Variants in TENM3 observed in about 807,000 individuals in gnomAD.
The protein encoded by TENM3 is teneurin-3.
A neutral mutation model predicts 255.1 loss-of-function variants in TENM3; 63 were observed. That is an observed-to-expected ratio of 0.25 (90% confidence interval 0.20 to 0.30). The LOEUF (loss-of-function observed/expected upper bound fraction) is 0.30. Ranked by LOEUF, TENM3 falls within the 10% of genes least tolerant of loss-of-function variation. The probability of loss-of-function intolerance (pLI) is 1.00; values close to 1 mark genes in which losing one functional copy is unlikely to be tolerated. For synonymous variants in TENM3, 1,306 were observed against 1,322.3 expected, an observed-to-expected ratio of 0.99 and a Z score of 0.27; for missense variants, 2,929 against 3,461.1, an observed-to-expected ratio of 0.85 and a Z score of 3.86.
chr4:182,714,297 T>A, intron 13 of TENM3, 64 bp downstream of exon 13: 1 of 697,644 alleles, frequency 1.4e-6, no homozygotes, highest in Non-Finnish European at 1.9e-6. Flanking sequence ...TGACAGTGAG[T>A]ACATAGATAT....
chr4:181,611,277 A>G, the TENM3 span, among the ~76,000 whole-genome samples: 2 of 152,236 alleles, frequency 1.3e-5, no homozygotes, highest in South Asian at 2.1e-4. Flanking sequence ...ACTGAAGCAC[A>G]AAAGATATCC....
chr4:182,623,472 T>A (rs1245383045), intron 4 of TENM3, among the ~76,000 whole-genome samples: 1 of 116,586 alleles, frequency 8.6e-6, no homozygotes, highest in African/African-American at 3.4e-5. Context: ...CTGGCTAATT[T>A]TTTGTATTTT....
the TENM3 span, among the ~76,000 whole-genome samples, chr4:181,787,226 G>A: frequency 6.6e-6 from 1 of 151,976 alleles, no homozygotes; most frequent in Non-Finnish European, 1.5e-5. Flanking sequence ...TCATAAGACT[G>A]ACAGAACAGA....
chr4:182,783,851 C>A (rs1482398058), intron 24 of TENM3, among the ~76,000 whole-genome samples: 8 of 151,990 alleles, frequency 5.3e-5, no homozygotes, highest in Non-Finnish European at 7.4e-5. Flanking sequence ...ATCGCATCGG[C>A]TCCTGAGGCT....
At chr4:182,189,752 G>A (rs558843141) in intron 1 of TENM3, among the ~76,000 whole-genome samples, 4 of 152,218 alleles carry the variant, frequency 2.6e-5, no homozygotes, top group East Asian at 1.9e-4. Flanking sequence ...TGTGTTGGGG[G>A]TGGTGGGGGC....
the TENM3 span, among the ~76,000 whole-genome samples, chr4:181,619,145 T>C: frequency 6.6e-6 from 1 of 152,100 alleles, no homozygotes; most frequent in Admixed American, 6.5e-5. Flanking sequence ...GGAGATACTG[T>C]CCCTCTGCTA....
At chr4:182,171,500 GT>G (rs1752103240) in intron 1 of TENM3, among the ~76,000 whole-genome samples, 2 of 152,090 alleles carry the variant, frequency 1.3e-5, no homozygotes, top group South Asian at 4.1e-4. Flanking sequence ...GTCTCACTCT[GT>G]TGCCCAGGCT....
chr4:181,888,577 T>C, the TENM3 span, among the ~76,000 whole-genome samples: 15 of 64,722 alleles, frequency 2.3e-4, no homozygotes, highest in East Asian at 9.9e-4. Flanking sequence ...TGTATATATA[T>C]ACATATATAT....
At chr4:182,209,748 G>A (rs980970086) in intron 1 of TENM3, among the ~76,000 whole-genome samples, 2 of 152,064 alleles carry the variant, frequency 1.3e-5, no homozygotes, top group Non-Finnish European at 1.5e-5. Flanking sequence ...GGAGTCTGGG[G>A]CTTTGAGAGG....
chr4:182,665,391 C>T (rs892855767), intron 6 of TENM3, among the ~76,000 whole-genome samples: 1 of 152,140 alleles, frequency 6.6e-6, no homozygotes, highest in Admixed American at 6.5e-5. Context: ...GTACCTAGTC[C>T]CCCAAGAGCT....
chr4:182,194,008 C>T (rs917720233), intron 1 of TENM3, among the ~76,000 whole-genome samples: 8 of 152,170 alleles, frequency 5.3e-5, no homozygotes, highest in Admixed American at 3.3e-4. Context: ...CGTTAAAAAG[C>T]TTTCACCAGA....
At chr4:182,780,754 C>T (rs1765103230) in intron 24 of TENM3, among the ~76,000 whole-genome samples, 1 of 151,944 alleles carries the variant, frequency 6.6e-6, no homozygotes, top group East Asian at 1.9e-4. Flanking sequence ...TGTAGTTCTC[C>T]TTGAAGAAGT....
intron 22 of TENM3, among the ~76,000 whole-genome samples, chr4:182,769,686 C>A (rs181616773): frequency 0.029 from 4,462 of 151,522 alleles, 178 homozygotes; most frequent in South Asian, 0.1. Context: ...CAGGAGGCTG[C>A]GGCAGGAGAA....
At chr4:182,620,485 C>T (rs992435637) in intron 4 of TENM3, among the ~76,000 whole-genome samples, 1 of 152,146 alleles carries the variant, frequency 6.6e-6, no homozygotes, top group Non-Finnish European at 1.5e-5. Flanking sequence ...ACCAAATATT[C>T]TCTGCTATAG....
chr4:182,628,956 T>C (rs1404000374), intron 5 of TENM3, 67 bp downstream of exon 5: 2 of 932,864 alleles, frequency 2.1e-6, no homozygotes, highest in East Asian at 5.3e-5. Context: ...ATTACTTGTA[T>C]TTATTCATTT....
intron 3 of TENM3, among the ~76,000 whole-genome samples, chr4:182,557,175 A>G (rs1055415728): frequency 1.1e-4 from 17 of 152,198 alleles, no homozygotes; most frequent in African/African-American, 3.6e-4. Context: ...TCTATTCAAC[A>G]TTGTATCTAA....
the TENM3 span, among the ~76,000 whole-genome samples, chr4:182,000,303 G>A: frequency 2.5e-4 from 38 of 152,148 alleles, no homozygotes; most frequent in South Asian, 2.1e-3. Context: ...CTGAAAATAA[G>A]CAATGGAAAA....
At chr4:182,665,321 G>A (rs1754578069) in intron 6 of TENM3, among the ~76,000 whole-genome samples, 1 of 152,168 alleles carries the variant, frequency 6.6e-6, no homozygotes, top group South Asian at 2.1e-4. Flanking sequence ...TAAGCCCACT[G>A]TTGAGACCTA....
intron 3 of TENM3, among the ~76,000 whole-genome samples, chr4:182,596,665 G>A (rs1313668993): frequency 6.6e-6 from 1 of 152,228 alleles, no homozygotes; most frequent in African/African-American, 2.4e-5. Flanking sequence ...CAAGGAATAT[G>A]CGAAGAGGAC....
Sources: allele counts gnomAD v4.1 joint callset (sites outside exome capture counted in the v4.1 genomes callset), GRCh38; gene constraint gnomAD v4.1.1; transcripts MANE v1.5; gene names NCBI Gene and HGNC (gene_info 2026-07-23, HGNC 2026-07-21).